Variants in SMDT1 observed in about 807,000 individuals in gnomAD.
SMDT1 encodes single-pass membrane protein with aspartate rich tail 1, also known as essential MCU regulator, mitochondrial.
Under a neutral mutation model 5.9 loss-of-function variants are expected in SMDT1, and 6 were observed. The observed-to-expected ratio is 1.03, with a 90% confidence interval of 0.56 to 2.02. SMDT1 has a LOEUF of 2.02. Ranked by LOEUF, SMDT1 falls within the 30% of genes most tolerant of loss-of-function variation. The probability of loss-of-function intolerance (pLI) is 0.00; values close to 1 mark genes in which losing one functional copy is unlikely to be tolerated. For synonymous variants in SMDT1, 81 were observed against 62.4 expected (o/e 1.30, Z -1.40); for missense variants, 159 against 145.6 (o/e 1.09, Z -0.47).
rs190385424 is a variant in SMDT1, at chr22:42,084,181, G to A, written c.*1066G>A. The A allele has an allele frequency of 2.0e-4, 31 of 152,312 alleles. No homozygotes were observed. The highest frequency in any genetic ancestry group is 7.0e-4 in the African/African-American group (29 of 41,544). 9.4% of individuals were successfully genotyped at this position (152,312 alleles called of 1,614,324 possible). A position where few individuals can be genotyped will look rare whatever the true frequency, so the allele number is the denominator to read the frequency against. ...AACACTTGGCTTTGCAAAGTGGCAC[G>A]CCTGGAGAGAACTTGGAAGCTCCAC... On this transcript the variant is annotated 3_prime_UTR_variant, in exon 3 of 3. Coordinates refer to ENST00000331479, the MANE Select transcript of SMDT1 (RefSeq NM_033318.5).
At position 42,083,854 on chromosome 22, in the gene SMDT1, A is replaced by T. The variant is rs967594839; in HGVS notation, c.*739A>T. Reference sequence around the variant, plus strand: ...CTGCTTTTTCTCCCCAAGGCAGGCCATAGAAACTAAAAGTATAATCTTCCT... The same window carrying T: ...CTGCTTTTTCTCCCCAAGGCAGGCCTTAGAAACTAAAAGTATAATCTTCCT... On this transcript the variant is annotated 3_prime_UTR_variant, in exon 3 of 3. Transcript: ENST00000331479. 6.6e-6 allele frequency: 1 copy of T among 152,156 alleles called. No individual in the cohort carries two copies. The highest frequency in any genetic ancestry group is 1.5e-5 in the Non-Finnish European group (1 of 68,024). The allele number at this position is 152,156 out of a possible 1,614,324, so 9.4% of individuals were successfully genotyped here.
chr22:42,080,082 A>T, intron 1 of SMDT1, 128 bp downstream of exon 1: 1 of 1,056,898 alleles, frequency 9.5e-7, no homozygotes, highest in Non-Finnish European at 1.3e-6. Context: ...AAGGCGGACC[A>T]AGAATACGCT....
rs778689899 is a variant in SMDT1 at position 42,079,827 on chromosome 22, G to A, written c.59G>A (p.Arg20Gln). The change falls in exon 1 of 3, where the codon CGG becomes CAG. Residue 20 changes from arginine (R) to glutamine (Q), a missense_variant. Physicochemically the swap from Arg to Gln is conservative, Grantham distance 43 (BLOSUM62 1). Transcript: ENST00000331479. The stretch of plus-strand genomic sequence containing the variant: ...GCACCCGTCAGGTCCGGGGCTCTCC[G>A]GAGCGGGCCTAGCTTGAGGAAAGAT... ...VLAPVRSGAL[R>Q]SGPSLRKDGD... 1.9e-6 allele frequency: 3 copies of A among 1,613,472 alleles called. No individual in the cohort carries two copies. The highest frequency in any genetic ancestry group is 2.2e-5 in the South Asian group (2 of 91,056).
chr22:42,082,517 A>G (rs968586223), intron 2 of SMDT1, among the ~76,000 whole-genome samples: 2 of 152,112 alleles, frequency 1.3e-5, no homozygotes, highest in African/African-American at 2.4e-5. Flanking sequence ...ATGTGCTCTA[A>G]TATGTGCTGC....
At position 42,081,989 on chromosome 22, in the gene SMDT1, T is replaced by C; in HGVS notation, c.251T>C (p.Ile84Thr). 9.9e-6 allele frequency: 16 copies of C among 1,614,118 alleles called. No homozygotes were observed. The highest frequency in any genetic ancestry group is 1.4e-5 in the Non-Finnish European group (16 of 1,180,028). Residue 84 changes from isoleucine to threonine, a missense_variant, in exon 2 of 3, where the codon ATT (isoleucine) becomes ACT (threonine). By Grantham distance (89) the Ile-to-Thr change is moderately conservative. Coordinates refer to ENST00000331479, the MANE Select transcript of SMDT1 (RefSeq NM_033318.5). Reference protein sequence around the residue: ...VIPFLYVGTLISKNFAALLEE... With the variant: ...VIPFLYVGTLTSKNFAALLEE... ...CCCTTTCTCTATGTCGGGACACTCA[T>C]TAGCAAGAACTTTGCTGCTCTACTT...
At position 42,079,847 on chromosome 22, in the gene SMDT1, A is replaced by C; in HGVS notation, c.79A>C (p.Lys27Gln). 6.2e-7 allele frequency: 1 copy of C among 1,614,078 alleles called. No individual in the cohort carries two copies. The change falls in exon 1 of 3, where the codon AAA (lysine) becomes CAA (glutamine). Residue 27 changes from lysine to glutamine, a missense_variant. Transcript: ENST00000331479. ...GALRSGPSLR[K>Q]DGDVSAAWSG... ...TCTCCGGAGCGGGCCTAGCTTGAGGAAAGATGGCGATGTCTCCGCCGCATG... is the reference window on the plus strand; with the variant it reads ...TCTCCGGAGCGGGCCTAGCTTGAGGCAAGATGGCGATGTCTCCGCCGCATG...
chr22:42,079,955 G>A lies in SMDT1; in HGVS notation c.186+1G>A. 1 of 1,610,520 alleles carries A rather than the reference G, an allele frequency of 6.2e-7. No individual in the cohort carries two copies. The highest frequency in any genetic ancestry group is 8.5e-7 in the Non-Finnish European group (1 of 1,177,704). On this transcript the variant is annotated splice_donor_variant, in intron 1 of 2. Coordinates refer to ENST00000331479, the MANE Select transcript of SMDT1 (RefSeq NM_033318.5). LOFTEE classifies it high-confidence loss of function. ...CGCCATTTTGCCCAAACCGGTGAAA[G>A]TGAGTGTCCTCCTGGAGACGGGGCG...
At chr22:42,081,215 G>A (rs1002624546) in intron 1 of SMDT1, among the ~76,000 whole-genome samples, 2 of 151,846 alleles carry the variant, frequency 1.3e-5, no homozygotes, top group African/African-American at 4.8e-5. Context: ...ACCCAGGCTG[G>A]AGTACAGTGG....
In SMDT1 at chr22:42,081,909, C is replaced by T; in HGVS notation, c.187-16C>T. ...TGGGCTCTGGAGCTCACAGCTGCCA[C>T]TCTGACCCTCTGCAGATGTCCTTCG... On this transcript the variant is annotated splice_polypyrimidine_tract_variant and intron_variant, in intron 1 of 2. Coordinates refer to ENST00000331479, the MANE Select transcript of SMDT1 (RefSeq NM_033318.5). 6.2e-7 allele frequency: 1 copy of T among 1,613,536 alleles called. No individual in the cohort carries two copies. Among genetic ancestry groups the T allele is most frequent in the Non-Finnish European group, 8.5e-7 (1 of 1,179,886 alleles).
rs1927591440 is a variant in SMDT1 at position 42,079,716 on chromosome 22, C to T, written c.-53C>T. 1 of 1,547,320 alleles carries T rather than the reference C, an allele frequency of 6.5e-7. No homozygotes were observed. Among genetic ancestry groups the T allele is most frequent in the African/African-American group, 1.4e-5 (1 of 73,430 alleles). ...GGCGGCTTTCTTCCCGAGGGCGGCACGAGGGCTGGGCGGTGGGGTGCGGGT... is the reference window on the plus strand; with the variant it reads ...GGCGGCTTTCTTCCCGAGGGCGGCATGAGGGCTGGGCGGTGGGGTGCGGGT... On this transcript the variant is annotated 5_prime_UTR_variant, in exon 1 of 3. In the 5' UTR this introduces an upstream ATG that the reference lacks. Transcript: ENST00000331479.
chr22:42,082,788 C>T (rs1307397639), intron 2 of SMDT1, among the ~76,000 whole-genome samples: 2 of 152,208 alleles, frequency 1.3e-5, no homozygotes, highest in Admixed American at 6.5e-5. Context: ...TTGAAGTCTT[C>T]GTTCCTCCTT....
Position 42,079,795 on chromosome 22 carries a change from A to C in SMDT1, c.27A>C (p.Leu9=), listed in dbSNP as rs1927603593. 2.5e-6 allele frequency: 4 copies of C among 1,609,692 alleles called. No homozygotes were observed. Among genetic ancestry groups the C allele is most frequent in the Non-Finnish European group, 2.5e-6 (3 of 1,179,434 alleles). MASGAARW[L]VLAPVRSGAL... is the part of the protein sequence containing the mutation. ...TGGCGTCCGGAGCGGCTCGCTGGCT[A>C]GTATTGGCACCCGTCAGGTCCGGGG... is the stretch of plus-strand genomic sequence containing the variant. Residue 9 remains leucine (L), a synonymous_variant, in exon 1 of 3, where the codon CTA becomes CTC. Coordinates refer to ENST00000331479, the MANE Select transcript of SMDT1 (RefSeq NM_033318.5).
intron 1 of SMDT1, among the ~76,000 whole-genome samples, chr22:42,080,953 C>T (rs1290862310): frequency 6.6e-6 from 1 of 152,234 alleles, no homozygotes; most frequent in Admixed American, 6.5e-5. Context: ...AATATCCCTT[C>T]ACTGTACATC....
At position 42,079,871 on chromosome 22, in the gene SMDT1, T is replaced by C; in HGVS notation, c.103T>C (p.Trp35Arg). 1.2e-6 allele frequency: 2 copies of C among 1,614,210 alleles called. No homozygotes were observed. Among genetic ancestry groups the C allele is most frequent in the Non-Finnish European group, 1.7e-6 (2 of 1,180,032 alleles). ...GAAAGATGGCGATGTCTCCGCCGCATGGAGCGGCTCAGGCCGGAGCCTGGT... is the reference window on the plus strand; with the variant it reads ...GAAAGATGGCGATGTCTCCGCCGCACGGAGCGGCTCAGGCCGGAGCCTGGT... ...LRKDGDVSAA[W>R]SGSGRSLVPS... Residue 35 changes from tryptophan (W) to arginine (R), a missense_variant, in exon 1 of 3, where the codon TGG becomes CGG. Physicochemically the swap from Trp to Arg is moderately radical, Grantham distance 101. Coordinates refer to ENST00000331479, the MANE Select transcript of SMDT1 (RefSeq NM_033318.5).
At chr22:42,081,457 G>A (rs545993145) in intron 1 of SMDT1, among the ~76,000 whole-genome samples, 2 of 150,276 alleles carry the variant, frequency 1.3e-5, no homozygotes, top group Non-Finnish European at 3.0e-5. Flanking sequence ...GAGCCACTGC[G>A]CCCGGCCTTT....
Position 42,079,865 on chromosome 22 carries a change from G to C in SMDT1, c.97G>C (p.Ala33Pro). 1 of 1,614,188 alleles carries C rather than the reference G, an allele frequency of 6.2e-7. No individual in the cohort carries two copies. Among genetic ancestry groups the C allele is most frequent in the South Asian group, 1.1e-5 (1 of 91,082 alleles). The change falls in exon 1 of 3, where the codon GCC (alanine) becomes CCC (proline). Residue 33 changes from alanine to proline, a missense_variant. Transcript: ENST00000331479. ...PSLRKDGDVS[A>P]AWSGSGRSLV... is the part of the protein sequence containing the mutation. Reference sequence around the variant, plus strand: ...CTTGAGGAAAGATGGCGATGTCTCCGCCGCATGGAGCGGCTCAGGCCGGAG... The same window carrying C: ...CTTGAGGAAAGATGGCGATGTCTCCCCCGCATGGAGCGGCTCAGGCCGGAG...
chr22:42,083,429 C>G lies in SMDT1; in HGVS notation c.*314C>G, dbSNP rs1470366393. 1 of 152,212 alleles carries G rather than the reference C, an allele frequency of 6.6e-6. No individual in the cohort carries two copies. Among genetic ancestry groups the G allele is most frequent in the Non-Finnish European group, 1.5e-5 (1 of 68,034 alleles). 9.4% of individuals were successfully genotyped at this position (152,212 alleles called of 1,614,324 possible). A position where few individuals can be genotyped will look rare whatever the true frequency, so the allele number is the denominator to read the frequency against. Reference sequence around the variant, plus strand: ...AGTTGGTGCAGTTGTCTCTGCTGTCCTTTATTTATGGGAGAAACATAGGCC... The same window carrying G: ...AGTTGGTGCAGTTGTCTCTGCTGTCGTTTATTTATGGGAGAAACATAGGCC... On this transcript the variant is annotated 3_prime_UTR_variant, in exon 3 of 3. Coordinates refer to ENST00000331479, the MANE Select transcript of SMDT1 (RefSeq NM_033318.5).
chr22:42,079,806 C>T lies in SMDT1; in HGVS notation c.38C>T (p.Pro13Leu), dbSNP rs752386703. 4.1e-5 allele frequency: 66 copies of T among 1,611,374 alleles called. No individual in the cohort carries two copies. The highest frequency in any genetic ancestry group is 4.7e-5 in the Non-Finnish European group (55 of 1,179,754). ...GCGGCTCGCTGGCTAGTATTGGCAC[C>T]CGTCAGGTCCGGGGCTCTCCGGAGC... The part of the protein sequence containing the change: ...SGAARWLVLA[P>L]VRSGALRSGP... The change falls in exon 1 of 3, where the codon CCC (proline) becomes CTC (leucine). Residue 13 changes from proline (P) to leucine (L), a missense_variant. By Grantham distance (98) the Pro-to-Leu change is moderately conservative (BLOSUM62 -3). Transcript: ENST00000331479.
In SMDT1 at chr22:42,083,221, C is replaced by G. The variant is rs1449885552; in HGVS notation, c.*106C>G. The G allele has an allele frequency of 2.0e-5, 3 of 152,664 alleles. No homozygotes were observed. The highest frequency in any genetic ancestry group is 4.4e-5 in the Non-Finnish European group (3 of 68,044). The allele number at this position is 152,664 out of a possible 1,614,324, so 9.5% of individuals were successfully genotyped here. A position where few individuals can be genotyped will look rare whatever the true frequency, so the allele number is the denominator to read the frequency against. ...GGCTCGGGGAAGGCCCTCAGCCTCC[C>G]AGTCTGGTGAAGCTTCCTGTATGGT... is the stretch of plus-strand genomic sequence containing the variant. On this transcript the variant is annotated 3_prime_UTR_variant, in exon 3 of 3. Coordinates refer to ENST00000331479, the MANE Select transcript of SMDT1 (RefSeq NM_033318.5).
Sources: gnomAD v4.1 joint callset for allele counts (sites outside exome capture counted in the v4.1 genomes callset) on GRCh38, gnomAD v4.1.1 for gene constraint, MANE v1.5 for transcripts, NCBI Gene and HGNC (gene_info 2026-07-23, HGNC 2026-07-21) for gene names.